Variants in SPIDR observed in about 807,000 individuals in gnomAD.
SPIDR encodes the protein scaffold protein involved in DNA repair.
A neutral mutation model predicts 104.6 loss-of-function variants in SPIDR; 93 were observed. The observed-to-expected ratio is 0.89, with a 90% CI of 0.75 to 1.06. SPIDR has a LOEUF of 1.06. SPIDR is among the 50% of genes least tolerant of loss of function. SPIDR has a pLI of 0.00. For synonymous variants in SPIDR, 431 were observed against 416.9 expected, an observed-to-expected ratio of 1.03 and a Z score of -0.41; for missense variants, 1,154 against 1,111.2, an observed-to-expected ratio of 1.04 and a Z score of -0.55.
intron 5 of SPIDR, among the ~76,000 whole-genome samples, chr8:47,349,852 C>A (rs1233125154): frequency 6.6e-6 from 1 of 152,162 alleles, no homozygotes; most frequent in Non-Finnish European, 1.5e-5. Flanking sequence ...CGGGAGTGTC[C>A]CGATTTTCCA....
At chr8:47,706,585 C>G (rs144692958) in intron 14 of SPIDR, among the ~76,000 whole-genome samples, 4 of 152,184 alleles carry the variant, frequency 2.6e-5, no homozygotes, top group African/African-American at 7.2e-5. Flanking sequence ...CCATCACCAA[C>G]GATTCCTGTG....
intron 8 of SPIDR, among the ~76,000 whole-genome samples, chr8:47,549,613 G>C (rs2090106918): frequency 6.6e-6 from 1 of 151,996 alleles, no homozygotes; most frequent in African/African-American, 2.4e-5. Flanking sequence ...TTTTTGATGG[G>C]GTTGTTTTTT....
At chr8:47,723,054 C>G (rs2083641060) in intron 16 of SPIDR, among the ~76,000 whole-genome samples, 1 of 151,366 alleles carries the variant, frequency 6.6e-6, no homozygotes, top group Non-Finnish European at 1.5e-5. Flanking sequence ...TTGTTGTTGA[C>G]ACAGAGTTTC....
intron 7 of SPIDR, among the ~76,000 whole-genome samples, chr8:47,438,368 G>T (rs1357776107): frequency 1.3e-5 from 2 of 152,200 alleles, no homozygotes; most frequent in African/African-American, 4.8e-5. Context: ...GGCCGCTGTA[G>T]CTCCTCAATC....
At chr8:47,617,193 T>C (rs1011360463) in intron 10 of SPIDR, among the ~76,000 whole-genome samples, 1 of 152,240 alleles carries the variant, frequency 6.6e-6, no homozygotes, top group South Asian at 2.1e-4. Flanking sequence ...CAATCATGAT[T>C]TGTCTGGTGT....
chr8:47,423,656 C>T (rs562345122), intron 7 of SPIDR, among the ~76,000 whole-genome samples: 10 of 152,196 alleles, frequency 6.6e-5, no homozygotes, highest in Admixed American at 3.3e-4. Context: ...AGATGTTGCA[C>T]CCAAAGGCCT....
chr8:47,392,851 A>T (rs2060765672), intron 5 of SPIDR, among the ~76,000 whole-genome samples: 1 of 152,162 alleles, frequency 6.6e-6, no homozygotes, highest in Non-Finnish European at 1.5e-5. Flanking sequence ...TCTTCCGTTT[A>T]TTCTTTAAGG....
intron 5 of SPIDR, among the ~76,000 whole-genome samples, chr8:47,348,442 C>T (rs1276666834): frequency 8.5e-5 from 13 of 152,268 alleles, no homozygotes; most frequent in Admixed American, 3.9e-4. Context: ...TTGCTCTTCT[C>T]GAGGAGTATC....
chr8:47,336,464 C>G (rs901972194), intron 5 of SPIDR, among the ~76,000 whole-genome samples: 15 of 152,118 alleles, frequency 9.9e-5, no homozygotes, highest in Non-Finnish European at 1.3e-4. Flanking sequence ...CCCTGACCAA[C>G]TAAAATTAGG....
chr8:47,435,192 G>T (rs1357609270), intron 7 of SPIDR, among the ~76,000 whole-genome samples: 1 of 152,010 alleles, frequency 6.6e-6, no homozygotes, highest in Admixed American at 6.6e-5. Flanking sequence ...AAGCTGGGGG[G>T]TCTCACTGTG....
At chr8:47,638,057 T>C (rs1471974206) in intron 10 of SPIDR, among the ~76,000 whole-genome samples, 1 of 152,188 alleles carries the variant, frequency 6.6e-6, no homozygotes, top group Non-Finnish European at 1.5e-5. Flanking sequence ...TGTTCCAGTT[T>C]TTTTCCCTTG....
At chr8:47,657,355 A>G (rs956049667) in intron 10 of SPIDR, among the ~76,000 whole-genome samples, 6 of 152,182 alleles carry the variant, frequency 3.9e-5, no homozygotes, top group African/African-American at 1.4e-4. Context: ...TGAAATGGCA[A>G]AAATTTTAGA....
chr8:47,398,157 T>G (rs1263660955), intron 6 of SPIDR, among the ~76,000 whole-genome samples: 1 of 152,192 alleles, frequency 6.6e-6, no homozygotes, highest in Non-Finnish European at 1.5e-5. Context: ...GAAGGTGGTT[T>G]GTAATAGTCT....
intron 10 of SPIDR, among the ~76,000 whole-genome samples, chr8:47,626,683 A>G (rs988877533): frequency 4.6e-5 from 7 of 152,232 alleles, no homozygotes; most frequent in African/African-American, 1.7e-4. Flanking sequence ...CAAAACCACA[A>G]TGAGATACCA....
At chr8:47,658,086 C>T (rs1049768956) in intron 10 of SPIDR, among the ~76,000 whole-genome samples, 3 of 147,668 alleles carry the variant, frequency 2.0e-5, no homozygotes, top group African/African-American at 7.5e-5. Context: ...AAAGAGGTAT[C>T]TTTGAAAACG....
At chr8:47,424,871 C>CGCCTGT (rs1563938075) in intron 7 of SPIDR, among the ~76,000 whole-genome samples, 1 of 152,152 alleles carries the variant, frequency 6.6e-6, no homozygotes, top group African/African-American at 2.4e-5. Context: ...GCTGGGATTA[C>CGCCTGT]AGGCGCCTGC....
At chr8:47,572,480 G>A (rs1356843105) in intron 8 of SPIDR, among the ~76,000 whole-genome samples, 1 of 151,916 alleles carries the variant, frequency 6.6e-6, no homozygotes, top group Non-Finnish European at 1.5e-5. Context: ...TGGCTAATGT[G>A]GTGAAACCCC....
At chr8:47,636,476 G>A (rs927927175) in intron 10 of SPIDR, among the ~76,000 whole-genome samples, 2 of 152,142 alleles carry the variant, frequency 1.3e-5, no homozygotes, top group African/African-American at 4.8e-5. Flanking sequence ...AAGCTTAGTG[G>A]GGAAGGCATG....
chr8:47,546,099 C>A (rs2089314068), intron 8 of SPIDR, among the ~76,000 whole-genome samples: 1 of 151,962 alleles, frequency 6.6e-6, no homozygotes, highest in Non-Finnish European at 1.5e-5. Flanking sequence ...TGTTTTGATA[C>A]CAGCGTAATT....
Sources: allele counts gnomAD v4.1 joint callset (sites outside exome capture counted in the v4.1 genomes callset), GRCh38; gene constraint gnomAD v4.1.1; transcripts MANE v1.5; gene names NCBI Gene and HGNC (gene_info 2026-07-23, HGNC 2026-07-21).